The following THSD7B variants were observed in gnomAD, a reference collection of about 807,000 sequenced individuals.
The protein encoded by THSD7B is thrombospondin type 1 domain containing 7B.
In THSD7B, 138 loss-of-function variants were observed where a neutral mutation model predicts 213.6. The ratio of observed to expected loss-of-function variants is 0.65; its 90% CI spans 0.56 to 0.74. The LOEUF (loss-of-function observed/expected upper bound fraction) is 0.74. Among genes scored for constraint, THSD7B ranks in the 30% least tolerant of loss-of-function variants. The pLI, the probability that THSD7B is intolerant of heterozygous loss-of-function variation, is 0.00. For missense variants in THSD7B, 1,931 were observed against 1,991.5 expected (o/e 0.97, Z 0.58); for synonymous variants, 742 against 687.0 (o/e 1.08, Z -1.25).
chr2:137,053,834 A>G (rs1290011269), intron 2 of THSD7B, among the ~76,000 whole-genome samples: 1 of 152,162 alleles, frequency 6.6e-6, no homozygotes, highest in Non-Finnish European at 1.5e-5. Flanking sequence ...ACAAAAAAAA[A>G]TTTCCTTTAA....
intron 12 of THSD7B, among the ~76,000 whole-genome samples, chr2:137,379,651 T>A (rs956731262): frequency 6.6e-6 from 1 of 152,230 alleles, no homozygotes; most frequent in Non-Finnish European, 1.5e-5. Flanking sequence ...TACTTACAGA[T>A]GTCACAGTAA....
chr2:137,024,465 T>C (rs1034283186), intron 2 of THSD7B, among the ~76,000 whole-genome samples: 1 of 152,180 alleles, frequency 6.6e-6, no homozygotes, highest in Admixed American at 6.5e-5. Flanking sequence ...TTACCAATTA[T>C]AAAAGTCATA....
chr2:136,930,137 G>A (rs1307801429), intron 2 of THSD7B, among the ~76,000 whole-genome samples: 3 of 152,132 alleles, frequency 2.0e-5, no homozygotes, highest in African/African-American at 7.2e-5. Context: ...ATGGAGAAAT[G>A]GCAGAACAAA....
At chr2:137,416,988 G>A (rs1250620051) in intron 14 of THSD7B, among the ~76,000 whole-genome samples, 2 of 152,092 alleles carry the variant, frequency 1.3e-5, no homozygotes, top group Non-Finnish European at 2.9e-5. Flanking sequence ...TTTTCTATCT[G>A]ATTCCAGATA....
intron 2 of THSD7B, among the ~76,000 whole-genome samples, chr2:136,897,886 TTAGC>T (rs1683990509): frequency 6.6e-6 from 1 of 152,024 alleles, no homozygotes; most frequent in Non-Finnish European, 1.5e-5. Flanking sequence ...TTACAAACCT[TTAGC>T]TAGACACAGA....
chr2:137,105,586 A>G (rs188959714), intron 4 of THSD7B, among the ~76,000 whole-genome samples: 10 of 152,280 alleles, frequency 6.6e-5, no homozygotes, highest in Non-Finnish European at 1.2e-4. Flanking sequence ...GAATGAAGGT[A>G]TTCAAATAGG....
chr2:137,551,164 A>G (rs1488194745), intron 15 of THSD7B, among the ~76,000 whole-genome samples: 1 of 152,096 alleles, frequency 6.6e-6, no homozygotes, highest in Non-Finnish European at 1.5e-5. Context: ...TGATCTCTGA[A>G]GGTCTGTTAT....
intron 20 of THSD7B, among the ~76,000 whole-genome samples, chr2:137,642,013 C>T (rs983357365): frequency 6.6e-6 from 1 of 152,058 alleles, no homozygotes; most frequent in Admixed American, 6.6e-5. Context: ...TATGCTCATG[C>T]TCATTGCCTC....
chr2:136,831,878 C>A (rs1349281454), intron 1 of THSD7B, among the ~76,000 whole-genome samples: 1 of 152,164 alleles, frequency 6.6e-6, no homozygotes, highest in East Asian at 1.9e-4. Flanking sequence ...CAGCGCAGTC[C>A]TTCTGTATGG....
chr2:136,817,584 T>C (rs1168864122), intron 1 of THSD7B, among the ~76,000 whole-genome samples: 1 of 150,316 alleles, frequency 6.7e-6, no homozygotes, highest in Non-Finnish European at 1.5e-5. Flanking sequence ...TACATATGGC[T>C]AGCCAGTTTT....
intron 2 of THSD7B, among the ~76,000 whole-genome samples, chr2:136,933,004 A>G (rs1684656490): frequency 6.6e-6 from 1 of 152,148 alleles, no homozygotes; most frequent in Non-Finnish European, 1.5e-5. Flanking sequence ...GTTAAAAGAA[A>G]GGCGGTTTTG....
chr2:137,492,389 A>T (rs1445150565), intron 15 of THSD7B, among the ~76,000 whole-genome samples: 1 of 152,150 alleles, frequency 6.6e-6, no homozygotes, highest in East Asian at 1.9e-4. Context: ...TAGGCTTATT[A>T]ATCTCCACAC....
At chr2:136,775,670 A>C (rs183661496) in intron 1 of THSD7B, among the ~76,000 whole-genome samples, 1 of 152,244 alleles carries the variant, frequency 6.6e-6, no homozygotes, top group Admixed American at 6.5e-5. Flanking sequence ...ATAACTCTTG[A>C]AGAATATAGT....
At chr2:137,663,327 A>C in intron 25 of THSD7B, 56 bp from the exon 26 acceptor site, 2 of 1,354,876 alleles carry the variant, frequency 1.5e-6, no homozygotes, top group Non-Finnish European at 2.0e-6. Context: ...TTATATTTTT[A>C]TTCATTCACC....
Position 137,526,149 on chromosome 2 carries a change from C to T in THSD7B, c.3139-37072C>T, listed in dbSNP as rs752239645. Among the ~76,000 whole-genome samples, 5 of 152,062 alleles carry T rather than the reference C, an allele frequency of 3.3e-5. No homozygotes were observed. In the East Asian group the frequency reaches 9.7e-4, roughly 29 times the overall value. On this transcript the variant is annotated intron_variant, in intron 15 of 27. Transcript: ENST00000409968. ...GGCAGAGAGAGAGCCATGTCCCGTACCACTTCTACCTGGCCGATTTCAATA... is the reference window on the plus strand; with the variant it reads ...GGCAGAGAGAGAGCCATGTCCCGTATCACTTCTACCTGGCCGATTTCAATA...
chr2:137,386,083 C>T, intron 12 of THSD7B, among the ~76,000 whole-genome samples: 1 of 152,154 alleles, frequency 6.6e-6, no homozygotes, highest in East Asian at 1.9e-4. Flanking sequence ...GAGCAGGAAA[C>T]AAGTCTGTCA....
chr2:137,091,244 T>C (rs141823897), intron 3 of THSD7B, among the ~76,000 whole-genome samples: 225 of 152,210 alleles, frequency 1.5e-3, no homozygotes, highest in African/African-American at 4.9e-3. Flanking sequence ...GAAAAGTCAA[T>C]GTGGGAAGGA....
chr2:137,266,065 G>C (rs1474637621), intron 10 of THSD7B, among the ~76,000 whole-genome samples: 1 of 152,154 alleles, frequency 6.6e-6, no homozygotes, highest in Admixed American at 6.5e-5. Context: ...TAGAAAGCTG[G>C]TTTGTCATTT....
chr2:137,292,261 T>C (rs1363749917), intron 12 of THSD7B, among the ~76,000 whole-genome samples: 2 of 152,188 alleles, frequency 1.3e-5, no homozygotes, highest in African/African-American at 4.8e-5. Flanking sequence ...TAGAAATTAA[T>C]TACAAATGCA....
Sources: allele counts gnomAD v4.1 joint callset (sites outside exome capture counted in the v4.1 genomes callset), GRCh38; gene constraint gnomAD v4.1.1; transcripts MANE v1.5; gene names NCBI Gene and HGNC (gene_info 2026-07-23, HGNC 2026-07-21).